The following ATP2C1 variants were observed in gnomAD, a reference collection of about 807,000 sequenced individuals.
ATP2C1 encodes the protein ATPase secretory pathway Ca2+ transporting 1.
Under a neutral mutation model 120.5 loss-of-function variants are expected in ATP2C1, and 31 were observed. That is an observed-to-expected ratio of 0.26 (90% confidence interval 0.19 to 0.35). The LOEUF is 0.35. ATP2C1 is among the 10% of genes least tolerant of loss of function. The probability of loss-of-function intolerance (pLI) is 1.00; values close to 1 mark genes in which losing one functional copy is unlikely to be tolerated. For missense variants in ATP2C1, 731 were observed against 1,107.5 expected (o/e 0.66, Z 4.83); for synonymous variants, 351 against 358.7 (o/e 0.98, Z 0.24).
intron 2 of ATP2C1, chr3:130,899,594 A>T (rs1175493757): frequency 6.6e-6 from 1 of 152,184 alleles, no homozygotes; most frequent in Non-Finnish European, 1.5e-5. Flanking sequence ...CATGTTGTTA[A>T]AGAGTCAACT....
intron 12 of ATP2C1, 83 bp downstream of exon 12, chr3:130,959,424 A>T (rs747692297): frequency 3.9e-5 from 34 of 882,974 alleles, no homozygotes; most frequent in Non-Finnish European, 6.2e-5. Flanking sequence ...TATTATGGAG[A>T]TCAGTATTAC....
chr3:130,880,536 A>G (rs776980019), intron 1 of ATP2C1, among the ~76,000 whole-genome samples: 1 of 152,190 alleles, frequency 6.6e-6, no homozygotes, highest in Non-Finnish European at 1.5e-5. Flanking sequence ...TTCTAATCCA[A>G]TTTTCCACCT....
At chr3:131,016,130 C>T in intron 26 of ATP2C1, 1 of 1,612,170 alleles carries the variant, frequency 6.2e-7, no homozygotes. Flanking sequence ...ACTAAAGTTT[C>T]CCATGGTGCT....
chr3:131,016,396 A>G (rs2063636305), exon 27 of ATP2C1: 1 of 1,565,638 alleles, frequency 6.4e-7, no homozygotes, highest in African/African-American at 1.4e-5. Flanking sequence ...ACAGCTTTTC[A>G]TTTTCTCCAC....
chr3:130,929,830 C>T (rs1179037701), intron 2 of ATP2C1: 1 of 168,436 alleles, frequency 5.9e-6, no homozygotes, highest in Admixed American at 5.7e-5. Flanking sequence ...GCCTTCCCCA[C>T]CCTTCCCACC....
At chr3:130,925,610 A>G (rs1039758353) in intron 2 of ATP2C1, among the ~76,000 whole-genome samples, 3 of 152,094 alleles carry the variant, frequency 2.0e-5, no homozygotes, top group African/African-American at 4.8e-5. Context: ...TACAGGGAGG[A>G]TGCACATTTG....
In ATP2C1 at chr3:130,975,314, G is replaced by T; in HGVS notation, c.1414-18G>T. The T allele has an allele frequency of 6.2e-7, 1 of 1,612,866 alleles. No homozygotes were observed. The highest frequency in any genetic ancestry group is 1.1e-5 in the South Asian group (1 of 91,010). On this transcript the variant is annotated intron_variant, in intron 17 of 27. Transcript: ENST00000510168. Reference sequence around the variant, plus strand: ...ACAAGTTGAAATTAAACTTGTGTTTGGTACATTTTCTTCTTAGGACAGACC... The same window carrying T: ...ACAAGTTGAAATTAAACTTGTGTTTTGTACATTTTCTTCTTAGGACAGACC...
intron 26 of ATP2C1, chr3:131,015,870 T>G: frequency 1.9e-6 from 1 of 517,532 alleles, no homozygotes; most frequent in South Asian, 1.8e-5. Flanking sequence ...TTGCCTCCCC[T>G]CTCCCACATA....
At chr3:130,954,085 A>G (rs1342097630) in intron 9 of ATP2C1, 109 bp downstream of exon 9, 15 of 1,183,012 alleles carry the variant, frequency 1.3e-5, no homozygotes, top group South Asian at 1.0e-4. Context: ...GACAAAGGAT[A>G]AAATTGAACT....
intron 25 of ATP2C1, among the ~76,000 whole-genome samples, 175 bp downstream of exon 25, chr3:130,997,928 T>C (rs2062707015): frequency 6.6e-6 from 1 of 152,228 alleles, no homozygotes; most frequent in East Asian, 1.9e-4. Context: ...AATAAAATTA[T>C]TGATTCATGT....
At chr3:130,968,744 T>C in intron 16 of ATP2C1, among the ~76,000 whole-genome samples, 1 of 152,262 alleles carries the variant, frequency 6.6e-6, no homozygotes, top group African/African-American at 2.4e-5. Flanking sequence ...TTAAACATTT[T>C]TGATATTTGG....
At chr3:130,941,543 C>G (rs2059919393) in intron 7 of ATP2C1, 48 bp from the exon 8 acceptor site, 18 of 1,460,840 alleles carry the variant, frequency 1.2e-5, no homozygotes, top group Admixed American at 1.7e-5. Flanking sequence ...AGACAAGTTG[C>G]ATGAATTTTT....
intron 1 of ATP2C1, among the ~76,000 whole-genome samples, chr3:130,873,154 A>G (rs1367347901): frequency 6.6e-6 from 1 of 152,240 alleles, no homozygotes; most frequent in Non-Finnish European, 1.5e-5. Context: ...TGAAAGAGGC[A>G]AGAATTTAAC....
intron 2 of ATP2C1, among the ~76,000 whole-genome samples, chr3:130,919,544 AG>A: frequency 6.6e-6 from 1 of 152,132 alleles, no homozygotes; most frequent in East Asian, 1.9e-4. Flanking sequence ...AAGGCTACAT[AG>A]TATTCCATTG....
At chr3:130,994,976 C>T (rs1345928231) in intron 22 of ATP2C1, among the ~76,000 whole-genome samples, 1 of 152,172 alleles carries the variant, frequency 6.6e-6, no homozygotes, top group African/African-American at 2.4e-5. Flanking sequence ...AACATGTGAT[C>T]TACTTGATGT....
chr3:130,875,043 T>C (rs1350918110), intron 1 of ATP2C1, among the ~76,000 whole-genome samples: 1 of 152,246 alleles, frequency 6.6e-6, no homozygotes, highest in African/African-American at 2.4e-5. Flanking sequence ...AATGATATTT[T>C]GATACATCTG....
chr3:130,900,068 A>T (rs2070021570), intron 2 of ATP2C1, among the ~76,000 whole-genome samples: 1 of 150,656 alleles, frequency 6.6e-6, no homozygotes, highest in Non-Finnish European at 1.5e-5. Flanking sequence ...TTATTTATTT[A>T]TTTTTTTGAG....
In ATP2C1 at chr3:130,899,680, A is replaced by G. The variant is rs149347491; in HGVS notation, c.6+4905A>G. ...GTAGAATTACAAATAAATTACACCA[A>G]TTGTGTTAAATTAGGTTGGTTTAGA... is the stretch of plus-strand genomic sequence containing the variant. On this transcript the variant is annotated intron_variant, in intron 2 of 27. Transcript: ENST00000510168. 19 of 152,236 alleles carry G rather than the reference A, an allele frequency of 1.2e-4. No individual in the cohort carries two copies. The East Asian group carries it at 2.5e-3, about 20-fold the overall frequency. The allele number at this position is 152,236 out of a possible 1,614,324, so 9.4% of individuals were successfully genotyped here.
chr3:130,937,469 T>C lies in ATP2C1; in HGVS notation c.360+6T>C. 6.2e-7 allele frequency: 1 copy of C among 1,612,734 alleles called. No homozygotes were observed. The highest frequency in any genetic ancestry group is 1.3e-5 in the African/African-American group (1 of 75,026). On this transcript the variant is annotated splice_donor_region_variant and intron_variant, in intron 6 of 27. Transcript: ENST00000510168. ...TTACAGTTGCCTTTGTTCAGGTAAG[T>C]ACTCTATTTTGCCAACATGAAAATG...
Sources: gnomAD v4.1 joint callset for allele counts (sites outside exome capture counted in the v4.1 genomes callset) on GRCh38, gnomAD v4.1.1 for gene constraint, MANE v1.5 for transcripts, NCBI Gene and HGNC (gene_info 2026-07-23, HGNC 2026-07-21) for gene names.